The following ZNF503 variants were observed in gnomAD, a reference collection of about 807,000 sequenced individuals.
The protein encoded by ZNF503 is zinc finger protein 503, also known as NocA-like zinc finger 2.
ZNF503 carries 15 observed loss-of-function variants against 34.4 expected under a neutral mutation model. The ratio of observed to expected loss-of-function variants is 0.44; its 90% CI spans 0.29 to 0.67. The LOEUF (loss-of-function observed/expected upper bound fraction) is 0.67. ZNF503 is among the 30% of genes least tolerant of loss of function. The pLI is 0.13. For synonymous variants in ZNF503, 580 were observed against 456.8 expected, an observed-to-expected ratio of 1.27 and a Z score of -3.44; for missense variants, 1,007 against 926.8, an observed-to-expected ratio of 1.09 and a Z score of -1.12.
At chr10:75,397,228 T>C (rs1010183722), downstream of ZNF503, among the ~76,000 whole-genome samples, 6 of 147,720 alleles carry the variant, frequency 4.1e-5, no homozygotes, top group African/African-American at 1.5e-4. Context: ...GGGGTGGGGG[T>C]GAGGGCGAGG....
At chr10:75,320,343 T>G in the ZNF503 span, among the ~76,000 whole-genome samples, 1 of 151,472 alleles carries the variant, frequency 6.6e-6, no homozygotes, top group Non-Finnish European at 1.5e-5. Flanking sequence ...TTAGCTGGCG[T>G]GGTGGATTGT....
At chr10:75,365,486 G>A in the ZNF503 span, among the ~76,000 whole-genome samples, 10 of 152,288 alleles carry the variant, frequency 6.6e-5, no homozygotes, top group South Asian at 2.1e-4. Flanking sequence ...AGAAATGATC[G>A]GATTCAAGCT....
At chr10:75,383,858 G>A in the ZNF503 span, among the ~76,000 whole-genome samples, 1 of 152,252 alleles carries the variant, frequency 6.6e-6, no homozygotes, top group Non-Finnish European at 1.5e-5. Context: ...TGGTCTGGCA[G>A]TCTGTTGGCT....
chr10:75,401,332 G>A lies in ZNF503; in HGVS notation c.88C>T (p.Pro30Ser), dbSNP rs1197708527. The change falls in exon 1 of 2, where the codon CCT (proline) becomes TCT (serine). Residue 30 changes from proline to serine, a missense_variant. Physicochemically the swap from Pro to Ser is moderately conservative, Grantham distance 74. Coordinates refer to ENST00000372524, the MANE Select transcript of ZNF503 (RefSeq NM_032772.6). ...CCAGAGAGCGCGCTGGTCCAGGCAG[G>A]GTCTGCACCGCCGCCTCCGCCTCCG... The part of the protein sequence containing the change: ...GGGGGGGGAD[P>S]AWTSALSGNS... 2 of 1,453,764 alleles carry A rather than the reference G, an allele frequency of 1.4e-6. No individual in the cohort carries two copies. Among genetic ancestry groups the A allele is most frequent in the Non-Finnish European group, 1.9e-6 (2 of 1,067,122 alleles). 90.1% of individuals were successfully genotyped at this position (1,453,764 alleles called of 1,614,324 possible).
At chr10:75,304,252 CA>C in the ZNF503 span, among the ~76,000 whole-genome samples, 7 of 152,180 alleles carry the variant, frequency 4.6e-5, no homozygotes, top group Non-Finnish European at 1.0e-4. Flanking sequence ...GCAGAGAATA[CA>C]TTTAAACTAT....
the ZNF503 span, among the ~76,000 whole-genome samples, chr10:75,353,153 C>T: frequency 4.6e-5 from 7 of 152,202 alleles, no homozygotes; most frequent in African/African-American, 1.7e-4. Context: ...GCACATTATA[C>T]GTACAGATTT....
the ZNF503 span, among the ~76,000 whole-genome samples, chr10:75,387,374 A>C: frequency 6.6e-6 from 1 of 152,236 alleles, no homozygotes; most frequent in Non-Finnish European, 1.5e-5. Flanking sequence ...CTTCAGGCAT[A>C]CTGTTTAACC....
At position 75,398,934 on chromosome 10, in the gene ZNF503, TC is replaced by T; in HGVS notation, c.1755del (p.Thr586ArgfsTer52). The part of the protein sequence containing the change: ...IPTSGAPGSP[G>X]TLALRSPHHA... ...TGGTGGGGGCTGCGCAGCGCCAGCG[TC>T]CCAGGGCTGCCCGGTGCGCCCGAGG... On this transcript the variant is annotated frameshift_variant, in exon 2 of 2. Coordinates refer to ENST00000372524, the MANE Select transcript of ZNF503 (RefSeq NM_032772.6). LOFTEE classifies it high-confidence loss of function. The T allele has an allele frequency of 6.3e-7, 1 of 1,593,502 alleles. No individual in the cohort carries two copies.
rs1400002355 is a variant in ZNF503 at position 75,399,708 on chromosome 10, A to G, written c.982T>C (p.Ser328Pro). 2 of 1,599,456 alleles carry G rather than the reference A, an allele frequency of 1.3e-6. No individual in the cohort carries two copies. The highest frequency in any genetic ancestry group is 1.7e-6 in the Non-Finnish European group (2 of 1,178,640). ...AGCCCAGAGCCCAACACTGAGGAGG[A>G]GGTGGGCGCGCTGGGGCCGGAGCCG... is the stretch of plus-strand genomic sequence containing the variant. ...SSGSGPSAPT[S>P]SSVLGSGLVA... is the part of the protein sequence containing the mutation. Residue 328 changes from serine (S) to proline (P), a missense_variant, in exon 2 of 2, where the codon TCC becomes CCC. Ser to Pro is a moderately conservative substitution (Grantham distance 74). Coordinates refer to ENST00000372524, the MANE Select transcript of ZNF503 (RefSeq NM_032772.6).
the ZNF503 span, among the ~76,000 whole-genome samples, chr10:75,367,918 G>A: frequency 6.6e-6 from 1 of 152,196 alleles, no homozygotes; most frequent in Non-Finnish European, 1.5e-5. Context: ...AGCATTTCAA[G>A]TCCTGCTTGG....
the ZNF503 span, among the ~76,000 whole-genome samples, chr10:75,290,867 C>T: frequency 6.6e-6 from 1 of 152,318 alleles, no homozygotes; most frequent in East Asian, 1.9e-4. Flanking sequence ...ATCATCCAGC[C>T]TCTGCTTGAA....
chr10:75,335,096 T>C, the ZNF503 span, among the ~76,000 whole-genome samples: 2 of 152,188 alleles, frequency 1.3e-5, no homozygotes, highest in Admixed American at 1.3e-4. Flanking sequence ...TGCATTGTGA[T>C]CATGAGCAAG....
At chr10:75,329,436 T>TTCC in the ZNF503 span, among the ~76,000 whole-genome samples, 1 of 102,128 alleles carries the variant, frequency 9.8e-6, no homozygotes, top group African/African-American at 3.4e-5. Flanking sequence ...CCTTCCTTCC[T>TTCC]TTCTTTCTTT....
At chr10:75,320,697 G>A in the ZNF503 span, among the ~76,000 whole-genome samples, 2 of 151,922 alleles carry the variant, frequency 1.3e-5, no homozygotes, top group East Asian at 3.9e-4. Context: ...CAGCAATATA[G>A]AAAAATAATT....
the ZNF503 span, among the ~76,000 whole-genome samples, chr10:75,294,555 G>T: frequency 6.6e-6 from 1 of 152,208 alleles, no homozygotes; most frequent in Non-Finnish European, 1.5e-5. Context: ...TCACTCTGGG[G>T]TGGCATCTCT....
At chr10:75,353,781 G>C in the ZNF503 span, among the ~76,000 whole-genome samples, 8 of 152,172 alleles carry the variant, frequency 5.3e-5, no homozygotes, top group Non-Finnish European at 1.2e-4. Flanking sequence ...GGGATAAACA[G>C]ATAACCCCTT....
chr10:75,393,415 G>A (rs1843664311), downstream of ZNF503, among the ~76,000 whole-genome samples: 1 of 152,228 alleles, frequency 6.6e-6, no homozygotes, highest in South Asian at 2.1e-4. Context: ...CTGAGGAGGT[G>A]AAATGGTGTC....
the ZNF503 span, among the ~76,000 whole-genome samples, chr10:75,379,345 T>C: frequency 1.3e-5 from 2 of 152,212 alleles, no homozygotes; most frequent in Non-Finnish European, 1.5e-5. Context: ...TTAACGATGT[T>C]GATTTTATCT....
chr10:75,337,150 C>T, the ZNF503 span, among the ~76,000 whole-genome samples: 1 of 151,738 alleles, frequency 6.6e-6, no homozygotes, highest in African/African-American at 2.4e-5. Flanking sequence ...ATGGTGAAAC[C>T]CCATCTCTAC....
Sources: gnomAD v4.1 joint callset for allele counts (sites outside exome capture counted in the v4.1 genomes callset) on GRCh38, gnomAD v4.1.1 for gene constraint, MANE v1.5 for transcripts, NCBI Gene and HGNC (gene_info 2026-07-23, HGNC 2026-07-21) for gene names.